Variants in CPVL observed in about 807,000 individuals in gnomAD.
CPVL encodes probable serine carboxypeptidase CPVL.
A neutral mutation model predicts 63.7 loss-of-function variants in CPVL; 51 were observed. The observed-to-expected ratio is 0.80, with a 90% confidence interval of 0.64 to 1.01. The LOEUF (loss-of-function observed/expected upper bound fraction) is 1.01. Among genes scored for constraint, CPVL ranks in the 50% least tolerant of loss-of-function variants. CPVL has a pLI of 0.00. For missense variants in CPVL, 530 were observed against 573.1 expected, an observed-to-expected ratio of 0.92 and a Z score of 0.77; for synonymous variants, 195 against 206.0, an observed-to-expected ratio of 0.95 and a Z score of 0.46.
At chr7:29,101,116 T>G (rs541232297) in intron 3 of CPVL, among the ~76,000 whole-genome samples, 3 of 152,304 alleles carry the variant, frequency 2.0e-5, no homozygotes, top group African/African-American at 7.2e-5. Context: ...TAGCCAACTC[T>G]CAACTTTGGA....
chr7:29,016,177 C>A (rs987296233), intron 12 of CPVL, among the ~76,000 whole-genome samples: 1 of 151,948 alleles, frequency 6.6e-6, no homozygotes, highest in Non-Finnish European at 1.5e-5. Flanking sequence ...ATGGTGAAAC[C>A]CTGTCTCTAC....
upstream of CPVL, chr7:29,146,981 A>G (rs1396973347): frequency 1.3e-6 from 2 of 1,550,790 alleles, no homozygotes; most frequent in Non-Finnish European, 1.7e-6. Context: ...ACCAAGTGCC[A>G]CTGTCCTGCC....
At chr7:29,174,494 G>A (rs1233515826) in intron 5 of CPVL, among the ~76,000 whole-genome samples, 2 of 152,124 alleles carry the variant, frequency 1.3e-5, no homozygotes, top group Non-Finnish European at 2.9e-5. Context: ...TAGCCATGGG[G>A]GCACAAAGCA....
chr7:29,113,690 AGAG>A (rs1333286026), intron 2 of CPVL: 7 of 152,262 alleles, frequency 4.6e-5, no homozygotes, highest in Non-Finnish European at 1.0e-4. Context: ...GCCAGCTAGT[AGAG>A]GAGAGCTGGG....
intron 11 of CPVL, among the ~76,000 whole-genome samples, chr7:29,057,778 T>A (rs1192049451): frequency 6.6e-6 from 1 of 152,230 alleles, no homozygotes; most frequent in Non-Finnish European, 1.5e-5. Flanking sequence ...CTACATTGTA[T>A]AACCTTTGCT....
intron 2 of CPVL, among the ~76,000 whole-genome samples, chr7:29,120,484 T>C (rs977362876): frequency 2.0e-5 from 3 of 151,682 alleles, no homozygotes; most frequent in African/African-American, 4.8e-5. Context: ...AACAACTGAG[T>C]AAAAATACTG....
At chr7:29,144,954 CCAAA>C (rs775815651) in intron 1 of CPVL, among the ~76,000 whole-genome samples, 7 of 151,900 alleles carry the variant, frequency 4.6e-5, no homozygotes, top group East Asian at 3.9e-4. Context: ...ATTGCCCCTC[CCAAA>C]CAATCATCTC....
intron 4 of CPVL, among the ~76,000 whole-genome samples, chr7:29,181,667 A>G (rs987503790): frequency 1.1e-4 from 17 of 152,212 alleles, no homozygotes; most frequent in Non-Finnish European, 2.5e-4. Flanking sequence ...GCCTCCAACT[A>G]GAAAAGTAAA....
intron 5 of CPVL, among the ~76,000 whole-genome samples, chr7:29,156,827 G>GC (rs1554349537): frequency 7.6e-4 from 115 of 152,284 alleles, no homozygotes; most frequent in Non-Finnish European, 1.4e-3. Flanking sequence ...AAAACTGACA[G>GC]TGGATTATGC....
rs540084920 is a variant in CPVL, at chr7:29,067,829, G to A, written c.865-1708C>T. Reference sequence around the variant, plus strand: ...GACACATGAGTTTAAGCAACTTGCCGAGGACACCTCACTAATAATGTCAGA... The same window carrying A: ...GACACATGAGTTTAAGCAACTTGCCAAGGACACCTCACTAATAATGTCAGA... On this transcript the variant is annotated intron_variant, in intron 9 of 12. Transcript: ENST00000265394. Among the ~76,000 whole-genome samples the A allele has an allele frequency of 9.6e-4, 146 of 151,934 alleles. 5 individuals carry two copies. The highest frequency in any genetic ancestry group is 6.2e-4 in the South Asian group (3 of 4,816).
At chr7:29,139,341 G>A (rs1244896916) in intron 1 of CPVL, among the ~76,000 whole-genome samples, 1 of 152,110 alleles carries the variant, frequency 6.6e-6, no homozygotes, top group Admixed American at 6.5e-5. Flanking sequence ...CTTTCAGCTT[G>A]GAATGTCTAA....
intron 1 of CPVL, among the ~76,000 whole-genome samples, chr7:29,124,180 G>A (rs187598882): frequency 1.3e-5 from 2 of 152,172 alleles, no homozygotes; most frequent in East Asian, 3.9e-4. Context: ...TCCTAAATTA[G>A]CATGAGTCCT....
chr7:29,129,821 G>A (rs1195946951), intron 1 of CPVL, among the ~76,000 whole-genome samples: 1 of 152,178 alleles, frequency 6.6e-6, no homozygotes, highest in Non-Finnish European at 1.5e-5. Flanking sequence ...TTATGCTGGA[G>A]TTGGATTAGG....
At chr7:29,084,151 G>T (rs1784994409) in intron 7 of CPVL, among the ~76,000 whole-genome samples, 1 of 152,040 alleles carries the variant, frequency 6.6e-6, no homozygotes, top group Admixed American at 6.5e-5. Flanking sequence ...GTGAACACTG[G>T]ACCCTCAATG....
chr7:29,071,977 G>C, intron 8 of CPVL, 73 bp from the exon 9 acceptor site: 1 of 1,570,228 alleles, frequency 6.4e-7, no homozygotes, highest in South Asian at 1.2e-5. Flanking sequence ...CATTTGCTTG[G>C]TGAAATAATC....
At chr7:29,128,094 G>C (rs1275270409) in intron 1 of CPVL, 1 of 151,468 alleles carries the variant, frequency 6.6e-6, no homozygotes, top group Non-Finnish European at 1.5e-5. Flanking sequence ...CCAACATGGG[G>C]TGGCTGTGAC....
At chr7:29,146,587 A>T, upstream of CPVL, 1 of 1,549,920 alleles carries the variant, frequency 6.5e-7, no homozygotes, top group Middle Eastern at 1.7e-4. Flanking sequence ...GGCTCACATG[A>T]CCCAGACCCA....
chr7:29,134,647 T>G (rs1017007343), intron 1 of CPVL, among the ~76,000 whole-genome samples: 1 of 152,064 alleles, frequency 6.6e-6, no homozygotes, highest in Non-Finnish European at 1.5e-5. Context: ...CTTAAGAATT[T>G]GATAAAAGGA....
In CPVL at chr7:29,103,472, C is replaced by A. The variant is rs183194186; in HGVS notation, c.289-7255G>T. Among the ~76,000 whole-genome samples, 1,255 of 144,490 alleles carry A rather than the reference C, an allele frequency of 8.7e-3. 7 individuals carry two copies. Among genetic ancestry groups the A allele is most frequent in the Admixed American group, 0.016 (227 of 13,966 alleles). The allele number at this position is 144,490 out of a possible 152,430, so 94.8% of individuals were successfully genotyped here. On this transcript the variant is annotated intron_variant, in intron 3 of 12. Coordinates refer to ENST00000265394, the MANE Select transcript of CPVL (RefSeq NM_031311.5). The stretch of plus-strand genomic sequence containing the variant: ...GTTTCACCATGTTGGTGAGGCTGGT[C>A]TCGAACTCTTAACCTCATGATCTGC...
Sources: gnomAD v4.1 joint callset for allele counts (sites outside exome capture counted in the v4.1 genomes callset) on GRCh38, gnomAD v4.1.1 for gene constraint, MANE v1.5 for transcripts, NCBI Gene and HGNC (gene_info 2026-07-23, HGNC 2026-07-21) for gene names.